CPLX1: variants seen among roughly 807,000 people sequenced by gnomAD.
CPLX1 encodes the protein complexin 1, also known as complexin-1.
A neutral mutation model predicts 15.6 loss-of-function variants in CPLX1; 6 were observed. The ratio of observed to expected loss-of-function variants is 0.39; its 90% confidence interval spans 0.21 to 0.76. The LOEUF (loss-of-function observed/expected upper bound fraction) is 0.76. CPLX1 is among the 30% of genes least tolerant of loss of function. CPLX1 has a pLI of 0.43. For missense variants in CPLX1, 242 were observed against 188.6 expected (o/e 1.28, Z -1.66); for synonymous variants, 91 against 75.2 (o/e 1.21, Z -1.08).
intron 2 of CPLX1, among the ~76,000 whole-genome samples, chr4:812,781 C>T (rs932109013): frequency 2.0e-5 from 3 of 151,924 alleles, no homozygotes; most frequent in Non-Finnish European, 4.4e-5. Context: ...TAACACTGAG[C>T]ATCCTAATGC....
chr4:792,549 C>T lies in CPLX1; in HGVS notation c.91G>A (p.Ala31Thr), dbSNP rs551494928. The change falls in exon 3 of 4, where the codon GCC becomes ACC. Residue 31 changes from alanine to threonine, a missense_variant. Transcript: ENST00000304062. ...GGDEEKDPDAAKKEEERQEAL... is the reference protein window; with the variant it reads ...GGDEEKDPDATKKEEERQEAL... ...TCCTGCCGCTCCTCCTCCTTCTTGGCGGCGTCTGGGTCCTTCTCCTCGTCA... is the reference window on the plus strand; with the variant it reads ...TCCTGCCGCTCCTCCTCCTTCTTGGTGGCGTCTGGGTCCTTCTCCTCGTCA... The T allele has an allele frequency of 1.5e-5, 25 of 1,613,366 alleles. No homozygotes were observed. In the South Asian group the frequency reaches 2.1e-4, roughly 13 times the overall value.
Position 789,851 on chromosome 4 carries a change from C to T in CPLX1, c.207+2582G>A, listed in dbSNP as rs114687359. Among the ~76,000 whole-genome samples, 798 of 152,316 alleles carry T rather than the reference C, an allele frequency of 5.2e-3. 13 individuals are homozygous for T. Among genetic ancestry groups the T allele is most frequent in the African/African-American group, 0.019 (769 of 41,564 alleles). ...ACCCCCAAGATGCCGGGGGGTGCCA[C>T]GGCCCAGAGGAGGCTGGAGGCAGCA... On this transcript the variant is annotated intron_variant, in intron 3 of 3. Coordinates refer to ENST00000304062, the MANE Select transcript of CPLX1 (RefSeq NM_006651.4).
chr4:821,796 C>T (rs1476686854), intron 2 of CPLX1, among the ~76,000 whole-genome samples: 1 of 152,216 alleles, frequency 6.6e-6, no homozygotes, highest in Non-Finnish European at 1.5e-5. Context: ...GTGGCCCCAA[C>T]AGGGGCCCCT....
intron 2 of CPLX1, among the ~76,000 whole-genome samples, chr4:809,731 G>A (rs866107846): frequency 1.4e-4 from 21 of 152,330 alleles, no homozygotes; most frequent in Middle Eastern, 3.4e-3. Flanking sequence ...TCCAGCCCTC[G>A]GGTTTCATGG....
At chr4:801,063 C>T (rs1469524688) in intron 2 of CPLX1, among the ~76,000 whole-genome samples, 1 of 150,908 alleles carries the variant, frequency 6.6e-6, no homozygotes, top group Admixed American at 6.6e-5. Flanking sequence ...ACCTGTAATC[C>T]CAGCACTTTG....
At chr4:797,809 T>TGTG (rs1318722435) in intron 2 of CPLX1, among the ~76,000 whole-genome samples, 4 of 152,022 alleles carry the variant, frequency 2.6e-5, no homozygotes, top group Non-Finnish European at 4.4e-5. Flanking sequence ...GGCGGGCGCC[T>TGTG]GTAGTCCCAG....
chr4:790,354 C>A (rs13151247), intron 3 of CPLX1, among the ~76,000 whole-genome samples: 13 of 152,000 alleles, frequency 8.6e-5, no homozygotes, highest in Non-Finnish European at 1.8e-4. Flanking sequence ...CAGCAAGGTC[C>A]GGCCAGCTCC....
At chr4:817,270 C>G (rs532966905) in intron 2 of CPLX1, among the ~76,000 whole-genome samples, 28 of 142,862 alleles carry the variant, frequency 2.0e-4, no homozygotes, top group African/African-American at 7.0e-4. Flanking sequence ...AAAAAAAATT[C>G]AGGCCGGGCG....
At chr4:800,870 A>T (rs1475150149) in intron 2 of CPLX1, among the ~76,000 whole-genome samples, 1 of 150,310 alleles carries the variant, frequency 6.7e-6, no homozygotes, top group Non-Finnish European at 1.5e-5. Context: ...TATATATATT[A>T]GCCAGACATG....
chr4:789,584 G>A (rs762644602), intron 3 of CPLX1, among the ~76,000 whole-genome samples: 3 of 152,208 alleles, frequency 2.0e-5, no homozygotes, highest in Non-Finnish European at 4.4e-5. Flanking sequence ...CCCAGGTGTG[G>A]GCTGCCCAAC....
At chr4:813,419 G>A (rs999243825) in intron 2 of CPLX1, among the ~76,000 whole-genome samples, 2 of 152,140 alleles carry the variant, frequency 1.3e-5, no homozygotes, top group African/African-American at 4.8e-5. Context: ...CTGAGAAGCT[G>A]ACCAGCCGGG....
chr4:793,554 C>T (rs1746246326), intron 2 of CPLX1, among the ~76,000 whole-genome samples: 1 of 152,226 alleles, frequency 6.6e-6, no homozygotes, highest in African/African-American at 2.4e-5. Context: ...GAGAGCAGAG[C>T]AAGCTGGCTG....
At chr4:787,514 G>T (rs1383524163) in intron 3 of CPLX1, 2 of 649,730 alleles carry the variant, frequency 3.1e-6, no homozygotes, top group Non-Finnish European at 3.8e-6. Context: ...GGGGCCTCAA[G>T]TCCAGTGAGA....
At chr4:805,174 G>A (rs17165034) in intron 2 of CPLX1, among the ~76,000 whole-genome samples, 31,863 of 152,256 alleles carry the variant, frequency 0.21, 4,250 homozygotes, top group Middle Eastern at 0.35. Context: ...CAGCCGGAGA[G>A]CCACAGGCAG....
At chr4:815,597 T>C (rs1746737678) in intron 2 of CPLX1, among the ~76,000 whole-genome samples, 1 of 152,170 alleles carries the variant, frequency 6.6e-6, no homozygotes, top group Non-Finnish European at 1.5e-5. Context: ...GCATCTGAGA[T>C]GACCCCGTGT....
intron 3 of CPLX1, among the ~76,000 whole-genome samples, chr4:788,711 AGGGGTGTGCT>A (rs1389446563): frequency 6.6e-6 from 1 of 152,250 alleles, no homozygotes; most frequent in East Asian, 1.9e-4. Context: ...CTGTGGGGCC[AGGGGTGTGCT>A]GGGGAGAGCG....
intron 3 of CPLX1, among the ~76,000 whole-genome samples, chr4:789,372 C>T (rs1205559548): frequency 6.6e-6 from 1 of 152,178 alleles, no homozygotes; most frequent in African/African-American, 2.4e-5. Context: ...GACCCTGAAC[C>T]CTGAAAACAC....
At chr4:790,544 C>G (rs1308207155) in intron 3 of CPLX1, among the ~76,000 whole-genome samples, 5 of 152,164 alleles carry the variant, frequency 3.3e-5, no homozygotes, top group African/African-American at 1.2e-4. Context: ...CGCTGCTGGC[C>G]CTGTCCCCAC....
chr4:811,483 C>T (rs560855814), intron 2 of CPLX1, among the ~76,000 whole-genome samples: 2 of 152,210 alleles, frequency 1.3e-5, no homozygotes, highest in East Asian at 1.9e-4. Flanking sequence ...GGCTCGTGGG[C>T]TATTTAGAAG....
Sources: allele counts gnomAD v4.1 joint callset (sites outside exome capture counted in the v4.1 genomes callset), GRCh38; gene constraint gnomAD v4.1.1; transcripts MANE v1.5; gene names NCBI Gene and HGNC (gene_info 2026-07-23, HGNC 2026-07-21).